The following KIAA1217 variants were observed in gnomAD, a reference collection of about 807,000 sequenced individuals.
KIAA1217 encodes KIAA1217.
KIAA1217 carries 88 observed loss-of-function variants against 163.9 expected under a neutral mutation model. That is an observed-to-expected ratio of 0.54 (90% confidence interval 0.45 to 0.64). KIAA1217 has a LOEUF of 0.64. Among genes scored for constraint, KIAA1217 ranks in the 30% least tolerant of loss-of-function variants. The probability of loss-of-function intolerance (pLI) is 0.00; values close to 1 mark genes in which losing one functional copy is unlikely to be tolerated. For synonymous variants in KIAA1217, 903 were observed against 923.1 expected (o/e 0.98, Z 0.39); for missense variants, 2,372 against 2,475.0 (o/e 0.96, Z 0.88).
chr10:23,700,921 T>A (rs952040122), intron 1 of KIAA1217, among the ~76,000 whole-genome samples: 2 of 152,304 alleles, frequency 1.3e-5, no homozygotes, highest in African/African-American at 4.8e-5. Context: ...GGAAGAGATT[T>A]TTTTTTTCTG....
At chr10:24,389,551 A>T (rs755775508) in intron 3 of KIAA1217, among the ~76,000 whole-genome samples, 25 of 96,782 alleles carry the variant, frequency 2.6e-4, no homozygotes, top group African/African-American at 8.9e-4. Flanking sequence ...AAAGTATAAT[A>T]AAAAAAAAAA....
intron 1 of KIAA1217, among the ~76,000 whole-genome samples, chr10:23,889,710 A>G (rs1285910252): frequency 8.2e-6 from 1 of 121,408 alleles, no homozygotes; most frequent in East Asian, 2.1e-4. Flanking sequence ...TTTTATGGCT[A>G]GTGTTTTCAT....
In KIAA1217 at chr10:23,804,162, T is replaced by G. The variant is rs1572363; in HGVS notation, c.-321+108928T>G. On this transcript the variant is annotated intron_variant, in intron 1 of 18. Coordinates refer to the KIAA1217 transcript ENST00000376462. ...AGATCATGTTTTCAACCAGCACTTT[T>G]TTTTTCTTCATTGCTGGTTCTTCAC... Among the ~76,000 whole-genome samples the G allele has an allele frequency of 5.8e-3, 881 of 152,322 alleles. 4 individuals are homozygous for G. The highest frequency in any genetic ancestry group is 0.01 in the Middle Eastern group (3 of 294).
At chr10:24,289,696 T>C (rs1435820554) in intron 2 of KIAA1217, among the ~76,000 whole-genome samples, 4 of 151,700 alleles carry the variant, frequency 2.6e-5, no homozygotes, top group Non-Finnish European at 5.9e-5. Flanking sequence ...TTGAGAAGGA[T>C]TGTCACTAGG....
intron 2 of KIAA1217, among the ~76,000 whole-genome samples, chr10:24,114,100 C>T (rs2062959365): frequency 6.6e-6 from 1 of 152,112 alleles, no homozygotes; most frequent in Non-Finnish European, 1.5e-5. Flanking sequence ...AACTCTTCCT[C>T]ACTTGAGTCA....
At chr10:23,938,223 ATG>A (rs975339839) in intron 1 of KIAA1217, among the ~76,000 whole-genome samples, 4 of 152,160 alleles carry the variant, frequency 2.6e-5, no homozygotes, top group African/African-American at 9.7e-5. Flanking sequence ...CAAAATAGGA[ATG>A]TGTCATAATA....
At chr10:24,073,612 G>C (rs2061266208) in intron 2 of KIAA1217, among the ~76,000 whole-genome samples, 1 of 152,206 alleles carries the variant, frequency 6.6e-6, no homozygotes, top group South Asian at 2.1e-4. Context: ...TGTTGGAAGA[G>C]ACAGCGATGC....
Position 23,973,291 on chromosome 10 carries a change from C to T in KIAA1217, c.-320-33934C>T, listed in dbSNP as rs142364076. On this transcript the variant is annotated intron_variant, in intron 1 of 18. Transcript: ENST00000376462. ...AAGAATTTTAGCCTATCGTTATAATCGTAGCTACCATTTATTGTGCACTTA... is the reference window on the plus strand; with the variant it reads ...AAGAATTTTAGCCTATCGTTATAATTGTAGCTACCATTTATTGTGCACTTA... 4.2e-4 allele frequency among the ~76,000 whole-genome samples: 64 copies of T among 152,296 alleles called. No homozygotes were observed. In the East Asian group the frequency reaches 9.7e-3, roughly 23 times the overall value.
chr10:24,049,454 A>G (rs1464244763), intron 2 of KIAA1217, among the ~76,000 whole-genome samples: 1 of 152,174 alleles, frequency 6.6e-6, no homozygotes, highest in African/African-American at 2.4e-5. Flanking sequence ...CATGTGCAGA[A>G]CATACAGTTT....
chr10:24,202,078 C>T (rs376620004), intron 2 of KIAA1217, among the ~76,000 whole-genome samples: 134 of 152,280 alleles, frequency 8.8e-4, no homozygotes, highest in African/African-American at 3.0e-3. Flanking sequence ...GTCAGCCTCC[C>T]GGGGGTGACA....
At chr10:23,723,757 G>A (rs1305065391) in intron 1 of KIAA1217, among the ~76,000 whole-genome samples, 5 of 152,002 alleles carry the variant, frequency 3.3e-5, no homozygotes, top group Non-Finnish European at 7.4e-5. Context: ...TACATACTAG[G>A]TTTGCTGTTT....
chr10:24,163,330 ATCTCATCTGTAAAAT>A (rs2065202801), intron 2 of KIAA1217, among the ~76,000 whole-genome samples: 1 of 152,204 alleles, frequency 6.6e-6, no homozygotes, highest in Non-Finnish European at 1.5e-5. Flanking sequence ...CCCATCTGTT[ATCTCATCTGTAAAAT>A]GAGACTATTG....
At chr10:24,265,004 C>G (rs1001595943) in intron 2 of KIAA1217, among the ~76,000 whole-genome samples, 2 of 152,140 alleles carry the variant, frequency 1.3e-5, no homozygotes, top group Non-Finnish European at 2.9e-5. Flanking sequence ...GTGTGTGCCA[C>G]TACCCACCAC....
intron 1 of KIAA1217, among the ~76,000 whole-genome samples, chr10:23,893,584 AGGG>A (rs1342598558): frequency 1.3e-5 from 2 of 151,756 alleles, no homozygotes; most frequent in Admixed American, 1.3e-4. Context: ...TTGTGATGTG[AGGG>A]TGTCAATTTT....
intron 1 of KIAA1217, among the ~76,000 whole-genome samples, chr10:23,843,771 G>A (rs1379118620): frequency 6.6e-6 from 1 of 152,094 alleles, no homozygotes; most frequent in South Asian, 2.1e-4. Context: ...GTTTCTTTGG[G>A]TCTTTTTTCT....
chr10:23,819,437 G>T (rs1282889440), intron 1 of KIAA1217, among the ~76,000 whole-genome samples: 1 of 152,156 alleles, frequency 6.6e-6, no homozygotes, highest in Admixed American at 6.5e-5. Flanking sequence ...ATATGGAGCA[G>T]TGAGAGATGA....
chr10:24,436,010 G>A (rs985381569), intron 4 of KIAA1217, among the ~76,000 whole-genome samples: 9 of 151,810 alleles, frequency 5.9e-5, no homozygotes, highest in African/African-American at 1.2e-4. Context: ...ACAGGTGTGC[G>A]CCACCACGCC....
intron 5 of KIAA1217, 73 bp from the exon 6 acceptor site, chr10:24,473,155 C>A: frequency 9.6e-7 from 1 of 1,041,138 alleles, no homozygotes; most frequent in Non-Finnish European, 1.4e-6. Context: ...GGAAGTCACA[C>A]GGTTACACAC....
chr10:23,894,092 C>T (rs1841558636), intron 1 of KIAA1217, among the ~76,000 whole-genome samples: 2 of 151,088 alleles, frequency 1.3e-5, no homozygotes, highest in Admixed American at 1.3e-4. Context: ...GACAGGGATG[C>T]CCTCTCTCAC....
Sources: gnomAD v4.1 joint callset for allele counts (sites outside exome capture counted in the v4.1 genomes callset) on GRCh38, gnomAD v4.1.1 for gene constraint, MANE v1.5 for transcripts, NCBI Gene and HGNC (gene_info 2026-07-23, HGNC 2026-07-21) for gene names.